PTPRT: variants seen among roughly 807,000 people sequenced by gnomAD.
The protein encoded by PTPRT is protein tyrosine phosphatase receptor type T.
In PTPRT, 56 loss-of-function variants were observed where a neutral mutation model predicts 176.8. That is an observed-to-expected ratio of 0.32 (90% confidence interval 0.26 to 0.40). PTPRT has a LOEUF of 0.40. PTPRT is among the 10% of genes least tolerant of loss of function. The pLI, the probability that PTPRT is intolerant of heterozygous loss-of-function variation, is 1.00. For missense variants in PTPRT, 1,540 were observed against 1,908.2 expected, an observed-to-expected ratio of 0.81 and a Z score of 3.60; for synonymous variants, 783 against 739.0, an observed-to-expected ratio of 1.06 and a Z score of -0.96.
intron 1 of PTPRT, among the ~76,000 whole-genome samples, chr20:42,955,035 A>T (rs1267673439): frequency 6.6e-6 from 1 of 151,994 alleles, no homozygotes; most frequent in Non-Finnish European, 1.5e-5. Context: ...GTTACACAGA[A>T]GCTCATTCCC....
At chr20:42,753,059 C>T (rs954053976) in intron 6 of PTPRT, among the ~76,000 whole-genome samples, 1 of 152,134 alleles carries the variant, frequency 6.6e-6, no homozygotes, top group East Asian at 1.9e-4. Flanking sequence ...GGGAATATCA[C>T]GTGTCAAAAT....
intron 3 of PTPRT, among the ~76,000 whole-genome samples, chr20:42,790,702 T>G (rs2077361659): frequency 6.6e-6 from 1 of 152,150 alleles, no homozygotes; most frequent in South Asian, 2.1e-4. Context: ...CCTCCCTCCC[T>G]TTTAAAATAA....
chr20:42,313,993 A>G (rs552687047), intron 12 of PTPRT, among the ~76,000 whole-genome samples: 5 of 152,256 alleles, frequency 3.3e-5, no homozygotes, highest in Admixed American at 1.3e-4. Context: ...TTGACAGATT[A>G]AACTCTCAAT....
In PTPRT at chr20:42,102,313, G is replaced by A; in HGVS notation, c.3541-16C>T. 1 of 1,610,610 alleles carries A rather than the reference G, an allele frequency of 6.2e-7. No homozygotes were observed. The highest frequency in any genetic ancestry group is 1.1e-5 in the South Asian group (1 of 90,980). On this transcript the variant is annotated splice_polypyrimidine_tract_variant and intron_variant, in intron 25 of 30. Transcript: ENST00000373187. ...TGTTGAGGGTCTGTGGGGCACAAAGGTGAATAGATAGGCCCTGCTCATTTG... is the reference window on the plus strand; with the variant it reads ...TGTTGAGGGTCTGTGGGGCACAAAGATGAATAGATAGGCCCTGCTCATTTG...
intron 7 of PTPRT, among the ~76,000 whole-genome samples, chr20:42,648,904 T>C (rs36028579): frequency 0.028 from 4,153 of 146,374 alleles, 79 homozygotes; most frequent in Non-Finnish European, 0.042. Flanking sequence ...CTGCAAGCTC[T>C]GCCTCCCGGG....
At chr20:42,586,900 T>G (rs1216564330) in intron 7 of PTPRT, among the ~76,000 whole-genome samples, 2 of 152,176 alleles carry the variant, frequency 1.3e-5, no homozygotes, top group African/African-American at 4.8e-5. Context: ...TGCACCAAGC[T>G]GGTCATGCCA....
intron 14 of PTPRT, among the ~76,000 whole-genome samples, chr20:42,244,426 C>G (rs903141234): frequency 6.6e-6 from 1 of 152,194 alleles, no homozygotes; most frequent in African/African-American, 2.4e-5. Flanking sequence ...CTAGGACGAG[C>G]TGGGCAGGGG....
intron 7 of PTPRT, among the ~76,000 whole-genome samples, chr20:42,676,443 C>T (rs999508278): frequency 1.3e-5 from 2 of 152,180 alleles, no homozygotes; most frequent in South Asian, 2.1e-4. Context: ...ACCCAGATGC[C>T]CTCAGTGACT....
At chr20:42,248,576 T>A in intron 14 of PTPRT, 111 bp downstream of exon 14, 2 of 1,383,042 alleles carry the variant, frequency 1.4e-6, no homozygotes, top group Non-Finnish European at 2.0e-6. Flanking sequence ...TCAATGGTTA[T>A]AACAGAAGAT....
chr20:42,776,956 C>G (rs1300239272), intron 4 of PTPRT, among the ~76,000 whole-genome samples: 2 of 151,940 alleles, frequency 1.3e-5, no homozygotes, highest in Admixed American at 6.6e-5. Flanking sequence ...TGAAGACAGA[C>G]AGTCAATCTG....
rs958462861 is a variant in PTPRT, at chr20:43,138,696, G to A, written c.88+50950C>T. Among the ~76,000 whole-genome samples the A allele has an allele frequency of 7.9e-5, 12 of 152,058 alleles. 1 individual carries two copies. Among genetic ancestry groups the A allele is most frequent in the Non-Finnish European group, 1.8e-4 (12 of 67,992 alleles). On this transcript the variant is annotated intron_variant, in intron 1 of 30. Coordinates refer to ENST00000373187, the MANE Select transcript of PTPRT (RefSeq NM_007050.6). ...ACTCGCATCTCCGCCCACTCTACCCGGGGATTCAGTCTAAGTGGAGCCTCC... is the reference window on the plus strand; with the variant it reads ...ACTCGCATCTCCGCCCACTCTACCCAGGGATTCAGTCTAAGTGGAGCCTCC...
chr20:42,792,523 G>A (rs1295908750), intron 2 of PTPRT, among the ~76,000 whole-genome samples: 2 of 152,154 alleles, frequency 1.3e-5, no homozygotes, highest in African/African-American at 4.8e-5. Flanking sequence ...AAATTAAAGA[G>A]ATGATTAAGG....
rs78295039 is a variant in PTPRT at position 42,793,432 on chromosome 20, G to A, written c.215-1966C>T. 3.5e-3 allele frequency among the ~76,000 whole-genome samples: 531 copies of A among 152,248 alleles called. 4 individuals are homozygous for A. Among genetic ancestry groups the A allele is most frequent in the African/African-American group, 0.011 (451 of 41,534 alleles). ...TACCACTTATAAGTGAGAACATGCC[G>A]TATTGATTTTCTGTTTTGGAGTTAC... On this transcript the variant is annotated intron_variant, in intron 2 of 30. Coordinates refer to ENST00000373187, the MANE Select transcript of PTPRT (RefSeq NM_007050.6).
intron 13 of PTPRT, among the ~76,000 whole-genome samples, chr20:42,258,298 G>A (rs1241369065): frequency 6.6e-6 from 1 of 152,140 alleles, no homozygotes; most frequent in Non-Finnish European, 1.5e-5. Context: ...TGATGAACAT[G>A]TCATGTGAAC....
At position 42,472,558 on chromosome 20, in the gene PTPRT, C is replaced by T. The variant is rs767338843; in HGVS notation, c.1158G>A (p.Pro386=). ...TTTCCACGTTCTGTGGGCCATGTAC[C>T]GGATCTGCAAAACATGCAGGCAAGA... ...PLTTRTKCAD[P]VHGPQNVEIV... The change falls in exon 8 of 31, where the codon CCG becomes CCA. Residue 386 remains proline (P), a synonymous_variant. Transcript: ENST00000373187. 60 of 1,613,272 alleles carry T rather than the reference C, an allele frequency of 3.7e-5. No individual in the cohort carries two copies. The South Asian group carries it at 4.1e-4, about 11-fold the overall frequency.
intron 1 of PTPRT, among the ~76,000 whole-genome samples, chr20:42,963,355 C>T (rs1451697002): frequency 4.6e-5 from 7 of 150,872 alleles, no homozygotes; most frequent in South Asian, 4.2e-4. Context: ...CCAGCCTGGG[C>T]GACAGACCCA....
intron 2 of PTPRT, among the ~76,000 whole-genome samples, chr20:42,883,782 C>CAT (rs2079053559): frequency 2.9e-4 from 1 of 3,392 alleles, no homozygotes; most frequent in Non-Finnish European, 6.4e-4. Flanking sequence ...CCTCCATAAA[C>CAT]GCACACCCAT....
At chr20:42,505,768 C>T (rs1324259125) in intron 7 of PTPRT, among the ~76,000 whole-genome samples, 6 of 152,128 alleles carry the variant, frequency 3.9e-5, no homozygotes, top group Non-Finnish European at 8.8e-5. Flanking sequence ...CAAGCTGTGG[C>T]TATCTCTCTG....
intron 12 of PTPRT, among the ~76,000 whole-genome samples, chr20:42,303,173 A>G (rs1035395178): frequency 6.6e-6 from 1 of 152,174 alleles, no homozygotes; most frequent in Non-Finnish European, 1.5e-5. Context: ...TCTGACCTTA[A>G]TGATTCCTGC....
Sources: allele counts gnomAD v4.1 joint callset (sites outside exome capture counted in the v4.1 genomes callset), GRCh38; gene constraint gnomAD v4.1.1; transcripts MANE v1.5; gene names NCBI Gene and HGNC (gene_info 2026-07-23, HGNC 2026-07-21).